Variants in IL1B observed in about 807,000 individuals in gnomAD.
IL1B encodes interleukin 1 beta, also known as interleukin-1 beta.
Under a neutral mutation model 26.2 loss-of-function variants are expected in IL1B, and 11 were observed. That is an observed-to-expected ratio of 0.42 (90% CI 0.26 to 0.70). The LOEUF is 0.70. Among genes scored for constraint, IL1B ranks in the 30% least tolerant of loss-of-function variants. The pLI, the probability that IL1B is intolerant of heterozygous loss-of-function variation, is 0.25. For missense variants in IL1B, 255 were observed against 327.5 expected, an observed-to-expected ratio of 0.78 and a Z score of 1.71; for synonymous variants, 118 against 120.8, an observed-to-expected ratio of 0.98 and a Z score of 0.15.
At chr2:112,830,960 T>G (rs1681975273) in intron 6 of IL1B, among the ~76,000 whole-genome samples, 1 of 152,012 alleles carries the variant, frequency 6.6e-6, no homozygotes. Context: ...GTGGTAATTT[T>G]GGGAGTGGAG....
In IL1B at chr2:112,830,581, G is replaced by A. The variant is rs752668109; in HGVS notation, c.598-8C>T. On this transcript the variant is annotated splice_polypyrimidine_tract_variant and splice_region_variant and intron_variant, in intron 6 of 6. Coordinates refer to ENST00000263341, the MANE Select transcript of IL1B (RefSeq NM_000576.3). Reference sequence around the variant, plus strand: ...ATTTTTGGGATCTACACTCTGCAGCGAAAGAGAAAGAAGAATTTTTGTGGG... The same window carrying A: ...ATTTTTGGGATCTACACTCTGCAGCAAAAGAGAAAGAAGAATTTTTGTGGG... 5.0e-6 allele frequency: 8 copies of A among 1,598,458 alleles called. No individual in the cohort carries two copies. The African/African-American group carries it at 5.4e-5, about 11-fold the overall frequency.
In IL1B at chr2:112,835,553, C is replaced by T. The variant is rs1682072571; in HGVS notation, c.99+13G>A. On this transcript the variant is annotated intron_variant, in intron 3 of 6. Transcript: ENST00000263341. ...GCCCTTCCTTGGGTTGGGAGTTAAA[C>T]CCATAGTCTTACCTTCATCTGTTTA... is the stretch of plus-strand genomic sequence containing the variant. 1 of 1,609,936 alleles carries T rather than the reference C, an allele frequency of 6.2e-7. No homozygotes were observed. The highest frequency in any genetic ancestry group is 8.5e-7 in the Non-Finnish European group (1 of 1,176,164).
rs934565078 is a variant in IL1B, at chr2:112,835,335, C to T, written c.99+231G>A. On this transcript the variant is annotated intron_variant, in intron 3 of 6. Coordinates refer to ENST00000263341, the MANE Select transcript of IL1B (RefSeq NM_000576.3). ...AATGGGAAACATTATCACTACTCCT[C>T]CCCTGTCACCACCAAGTGTGGCCAC... The T allele has an allele frequency of 8.4e-6, 5 of 595,654 alleles. No homozygotes were observed. In the African/African-American group the frequency reaches 9.2e-5, roughly 11 times the overall value. 36.9% of individuals were successfully genotyped at this position (595,654 alleles called of 1,614,324 possible).
intron 4 of IL1B, chr2:112,833,161 G>A: frequency 1.6e-6 from 1 of 627,044 alleles, no homozygotes; most frequent in South Asian, 1.9e-5. Flanking sequence ...AAGAGTGAGG[G>A]AGTTGCAAAT....
rs796930576 is a variant in IL1B, at chr2:112,836,073, C to T, written c.47+110G>A. 2.8e-5 allele frequency: 27 copies of T among 968,426 alleles called. No homozygotes were observed. In the African/African-American group the frequency reaches 3.2e-4, roughly 11 times the overall value. The allele number at this position is 968,426 out of a possible 1,614,324, so 60.0% of individuals were successfully genotyped here. Reference sequence around the variant, plus strand: ...TCAGATTTACTTGGCACCCTGTTTGCCACTGAAAGAGGCAATTTAGGGGAA... The same window carrying T: ...TCAGATTTACTTGGCACCCTGTTTGTCACTGAAAGAGGCAATTTAGGGGAA... On this transcript the variant is annotated intron_variant, in intron 2 of 6. Transcript: ENST00000263341.
At chr2:112,832,540 T>G (rs1277914759) in intron 5 of IL1B, 122 bp downstream of exon 5, 2 of 1,079,326 alleles carry the variant, frequency 1.9e-6, no homozygotes, top group East Asian at 4.8e-5. Flanking sequence ...TATTCCTTTT[T>G]AATATTTTTT....
At chr2:112,832,890 C>T (rs1143633) in intron 4 of IL1B, 64 bp from the exon 5 acceptor site, 537,783 of 1,568,952 alleles carry the variant, frequency 0.34, 95,129 homozygotes, top group East Asian at 0.57. Flanking sequence ...TGAGGCGAGG[C>T]GGCAAAATTT....
Position 112,833,586 on chromosome 2 carries a change from A to G in IL1B, c.100-11T>C, listed in dbSNP as rs964287845. 6.2e-7 allele frequency: 1 copy of G among 1,613,184 alleles called. No homozygotes were observed. Among genetic ancestry groups the G allele is most frequent in the African/African-American group, 1.3e-5 (1 of 74,900 alleles). The stretch of plus-strand genomic sequence containing the variant: ...GTCCTGGAAGGAGCACTGCGGAGAG[A>G]GCGAGGGAGGGAGCCTGGTGAGGTG... On this transcript the variant is annotated splice_polypyrimidine_tract_variant and intron_variant, in intron 3 of 6. Coordinates refer to ENST00000263341, the MANE Select transcript of IL1B (RefSeq NM_000576.3).
At chr2:112,836,111 C>T (rs1250854973) in intron 2 of IL1B, 72 bp downstream of exon 2, 6 of 1,470,472 alleles carry the variant, frequency 4.1e-6, no homozygotes, top group Non-Finnish European at 5.7e-6. Flanking sequence ...ATCTGGTCTC[C>T]AAGCACAGAT....
At chr2:112,832,623 CAGG>C (rs772735332) in intron 5 of IL1B, 36 bp downstream of exon 5, 3 of 1,606,346 alleles carry the variant, frequency 1.9e-6, no homozygotes, top group South Asian at 2.2e-5. Context: ...AGCAAGCTGC[CAGG>C]AGGCCAGGCA....
chr2:112,832,305 T>C (rs1359689199), intron 5 of IL1B, among the ~76,000 whole-genome samples: 1 of 152,104 alleles, frequency 6.6e-6, no homozygotes, highest in Non-Finnish European at 1.5e-5. Context: ...CCAGCACTCT[T>C]GTTTCAGCCT....
At chr2:112,834,006 A>AAACAG in intron 3 of IL1B, among the ~76,000 whole-genome samples, 1 of 151,992 alleles carries the variant, frequency 6.6e-6, no homozygotes, top group East Asian at 1.9e-4. Context: ...AAACAAAACA[A>AAACAG]AACAAAACAA....
In IL1B at chr2:112,833,558, C is replaced by G; in HGVS notation, c.117G>C (p.Leu39=). 2 of 1,614,010 alleles carry G rather than the reference C, an allele frequency of 1.2e-6. No individual in the cohort carries two copies. Among genetic ancestry groups the G allele is most frequent in the Non-Finnish European group, 1.7e-6 (2 of 1,180,020 alleles). The part of the protein sequence containing the change: ...PKQMKCSFQD[L]DLCPLDGGIQ... ...TGCCGCCATCCAGAGGGCAGAGGTCCAGGTCCTGGAAGGAGCACTGCGGAG... is the reference window on the plus strand; with the variant it reads ...TGCCGCCATCCAGAGGGCAGAGGTCGAGGTCCTGGAAGGAGCACTGCGGAG... Residue 39 remains leucine, a synonymous_variant, in exon 4 of 7, where the codon CTG becomes CTC. Transcript: ENST00000263341.
intron 4 of IL1B, 96 bp from the exon 5 acceptor site, chr2:112,832,922 G>T: frequency 8.4e-7 from 1 of 1,183,676 alleles, no homozygotes; most frequent in Non-Finnish European, 1.3e-6. Flanking sequence ...GGACACCTGA[G>T]CATATACGGT....
At chr2:112,835,539 G>A (rs1444557643) in intron 3 of IL1B, 27 bp downstream of exon 3, 11 of 1,593,022 alleles carry the variant, frequency 6.9e-6, no homozygotes, top group Non-Finnish European at 9.5e-6. Context: ...CCCTTCCTTG[G>A]GTTGGGAGTT....
In IL1B at chr2:112,829,999, CAAAT is replaced by C. The variant is rs1034048384; in HGVS notation, c.*358_*361del. On this transcript the variant is annotated 3_prime_UTR_variant, in exon 7 of 7. Coordinates refer to ENST00000263341, the MANE Select transcript of IL1B (RefSeq NM_000576.3). ...TAGACCAATGAATAAAACAAACAAACAAATAAATAAATAAATAGGGAAGCGGTTG... is the reference window on the plus strand; with the variant it reads ...TAGACCAATGAATAAAACAAACAAACAAATAAATAAATAGGGAAGCGGTTG... The C allele has an allele frequency of 6.2e-5, 14 of 226,286 alleles. No individual in the cohort carries two copies. Among genetic ancestry groups the C allele is most frequent in the South Asian group, 1.4e-4 (2 of 13,824 alleles). 14.0% of individuals were successfully genotyped at this position (226,286 alleles called of 1,614,324 possible). A position where few individuals can be genotyped will look rare whatever the true frequency, so the allele number is the denominator to read the frequency against.
Position 112,832,817 on chromosome 2 carries a change from A to G in IL1B, c.311T>C (p.Phe104Ser). 1.2e-6 allele frequency: 2 copies of G among 1,614,182 alleles called. No individual in the cohort carries two copies. Among genetic ancestry groups the G allele is most frequent in the Non-Finnish European group, 1.7e-6 (2 of 1,180,028 alleles). ...AGCCTCGTTATCCCATGTGTCGAAG[A>G]AGATAGGTTCTGAAATGTGGAGCAC... is the stretch of plus-strand genomic sequence containing the variant. Reference protein sequence around the residue: ...FPFIFEEEPIFFDTWDNEAYV... With the variant: ...FPFIFEEEPISFDTWDNEAYV... Residue 104 changes from phenylalanine to serine, a missense_variant, in exon 5 of 7, where the codon TTC becomes TCC. Physicochemically the swap from Phe to Ser is radical, Grantham distance 155 (BLOSUM62 -2). Coordinates refer to ENST00000263341, the MANE Select transcript of IL1B (RefSeq NM_000576.3).
chr2:112,830,239 A>T lies in IL1B; in HGVS notation c.*122T>A, dbSNP rs763169464. The T allele has an allele frequency of 5.1e-5, 42 of 815,970 alleles. No individual in the cohort carries two copies. Among genetic ancestry groups the T allele is most frequent in the Non-Finnish European group, 7.9e-5 (37 of 466,636 alleles). The allele number at this position is 815,970 out of a possible 1,614,324, so 50.5% of individuals were successfully genotyped here. ...ACTACCCTAAGGCAGGCAGTTGGGC[A>T]TTGGTGTAGACAACAGGAAAGTCCA... On this transcript the variant is annotated 3_prime_UTR_variant, in exon 7 of 7. Coordinates refer to ENST00000263341, the MANE Select transcript of IL1B (RefSeq NM_000576.3).
chr2:112,836,329 C>T (rs1461800709), intron 1 of IL1B, 85 bp from the exon 2 acceptor site: 1 of 957,306 alleles, frequency 1.0e-6, no homozygotes, highest in East Asian at 2.4e-5. Context: ...GCATGGCAGT[C>T]ATGCAAAGAA....
Sources: allele counts gnomAD v4.1 joint callset (sites outside exome capture counted in the v4.1 genomes callset), GRCh38; gene constraint gnomAD v4.1.1; transcripts MANE v1.5; gene names NCBI Gene and HGNC (gene_info 2026-07-23, HGNC 2026-07-21).